The following CUL1 variants were observed in gnomAD, a reference collection of about 807,000 sequenced individuals.
CUL1 encodes cullin 1.
In CUL1, 24 loss-of-function variants were observed where a neutral mutation model predicts 118.0. That is an observed-to-expected ratio of 0.20 (90% CI 0.15 to 0.29). The LOEUF is 0.29. Ranked by LOEUF, CUL1 falls within the 10% of genes least tolerant of loss-of-function variation. The pLI is 1.00. For synonymous variants in CUL1, 332 were observed against 340.4 expected (o/e 0.98, Z 0.27); for missense variants, 361 against 933.8 (o/e 0.39, Z 7.99).
intron 1 of CUL1, among the ~76,000 whole-genome samples, chr7:148,705,078 T>A (rs1160287254): frequency 3.9e-5 from 6 of 152,334 alleles, no homozygotes; most frequent in East Asian, 3.9e-4. Flanking sequence ...TGGACTAATC[T>A]TCTTCTCATT....
chr7:148,712,995 A>G (rs1333337090), intron 1 of CUL1, among the ~76,000 whole-genome samples: 1 of 152,220 alleles, frequency 6.6e-6, no homozygotes, highest in African/African-American at 2.4e-5. Context: ...ACCTTGTTAC[A>G]TTCTATGAGC....
chr7:148,774,462 G>A (rs1800330429), intron 9 of CUL1, among the ~76,000 whole-genome samples: 1 of 152,186 alleles, frequency 6.6e-6, no homozygotes, highest in Non-Finnish European at 1.5e-5. Context: ...GTCAAATAAT[G>A]CAGACTTGTA....
At chr7:148,754,259 A>G (rs1272745456) in intron 3 of CUL1, 109 bp downstream of exon 3, 5 of 709,014 alleles carry the variant, frequency 7.1e-6, no homozygotes, top group Middle Eastern at 8.0e-4. Context: ...TGTTTTAGAC[A>G]CTAACGTAGG....
At chr7:148,790,577 G>A (rs936949724) in intron 16 of CUL1, 136 bp downstream of exon 16, 15 of 740,372 alleles carry the variant, frequency 2.0e-5, no homozygotes, top group Middle Eastern at 3.4e-4. Flanking sequence ...TTTAAAGCAT[G>A]GAGTTGTAAG....
chr7:148,745,179 C>T (rs1056230108), intron 2 of CUL1, among the ~76,000 whole-genome samples: 18 of 152,180 alleles, frequency 1.2e-4, no homozygotes, highest in African/African-American at 4.3e-4. Context: ...CCTGGTATTT[C>T]AGTTCTAGAA....
At chr7:148,703,293 A>G (rs567133538) in intron 1 of CUL1, among the ~76,000 whole-genome samples, 4 of 152,222 alleles carry the variant, frequency 2.6e-5, no homozygotes, top group African/African-American at 4.8e-5. Context: ...TTGGGCACTG[A>G]TAGCATAGAC....
intron 17 of CUL1, among the ~76,000 whole-genome samples, chr7:148,797,580 A>AT (rs1239680533): frequency 6.6e-6 from 1 of 152,058 alleles, no homozygotes; most frequent in Non-Finnish European, 1.5e-5. Context: ...TTATTGTGTG[A>AT]TCAAGGCCAG....
At chr7:148,799,004 CT>C (rs531729599) in intron 20 of CUL1, among the ~76,000 whole-genome samples, 1 of 151,664 alleles carries the variant, frequency 6.6e-6, no homozygotes, top group Non-Finnish European at 1.5e-5. Context: ...ATTTTGTCTC[CT>C]TTTTTTTAAT....
chr7:148,792,855 C>A, intron 17 of CUL1, 37 bp downstream of exon 17: 1 of 1,471,578 alleles, frequency 6.8e-7, no homozygotes, highest in African/African-American at 1.4e-5. Flanking sequence ...TATCAGCTTG[C>A]CGTTTCCTTG....
At chr7:148,751,313 C>T (rs185063961) in intron 2 of CUL1, among the ~76,000 whole-genome samples, 10 of 152,048 alleles carry the variant, frequency 6.6e-5, no homozygotes, top group Admixed American at 5.9e-4. Flanking sequence ...TTTGGGAGGT[C>T]GAGGCAGGTG....
In CUL1 at chr7:148,787,647, A is replaced by G. The variant is rs975597553; in HGVS notation, c.1479+527A>G. On this transcript the variant is annotated intron_variant, in intron 13 of 21. Coordinates refer to ENST00000325222, the MANE Select transcript of CUL1 (RefSeq NM_003592.3). The surrounding 1 kb of genome is among the most constrained non-coding windows in gnomAD (Gnocchi z 5.5). ...CACCCCACTGTGGGGCTTCCATCCT[A>G]CCCAGGCCTGGCTGGGCTCAGCTCA... Among the ~76,000 whole-genome samples the G allele has an allele frequency of 6.6e-6, 1 of 151,074 alleles. No homozygotes were observed. Among genetic ancestry groups the G allele is most frequent in the Admixed American group, 6.6e-5 (1 of 15,192 alleles).
intron 2 of CUL1, among the ~76,000 whole-genome samples, chr7:148,747,158 A>G (rs887751242): frequency 3.9e-5 from 6 of 152,230 alleles, no homozygotes; most frequent in African/African-American, 1.4e-4. Context: ...ACTCTTAAGC[A>G]TATGGAAGCT....
At chr7:148,766,496 T>G (rs1054317412) in intron 7 of CUL1, 65 bp from the exon 8 acceptor site, 4 of 1,319,146 alleles carry the variant, frequency 3.0e-6, no homozygotes, top group Non-Finnish European at 4.1e-6. Flanking sequence ...AATTTACATA[T>G]TAAAGAATTG....
chr7:148,782,734 CAAGT>C (rs1168095782), intron 9 of CUL1, among the ~76,000 whole-genome samples: 3 of 152,140 alleles, frequency 2.0e-5, no homozygotes, highest in African/African-American at 7.2e-5. Context: ...TATTTAAAAA[CAAGT>C]AAATCAAATG....
At chr7:148,738,683 A>G (rs73467444) in intron 2 of CUL1, among the ~76,000 whole-genome samples, 1,616 of 152,118 alleles carry the variant, frequency 0.011, 25 homozygotes, top group African/African-American at 0.037. Context: ...TACCTAATCT[A>G]TTGTCTGCTG....
chr7:148,709,657 G>A (rs953558373), intron 1 of CUL1, among the ~76,000 whole-genome samples: 8 of 152,166 alleles, frequency 5.3e-5, no homozygotes, highest in African/African-American at 1.2e-4. Context: ...AATATGGACC[G>A]ACTATTGTTG....
chr7:148,760,286 A>C (rs1799791206), intron 6 of CUL1, 47 bp from the exon 7 acceptor site: 1 of 1,524,082 alleles, frequency 6.6e-7, no homozygotes, highest in Non-Finnish European at 8.8e-7. Flanking sequence ...TGTGAAATAT[A>C]ACCAAAAAAA....
chr7:148,766,820 C>A, intron 8 of CUL1, 97 bp downstream of exon 8: 2 of 1,036,566 alleles, frequency 1.9e-6, no homozygotes, highest in South Asian at 1.7e-5. Context: ...GCATTACTTG[C>A]CCATGTCAGT....
chr7:148,708,299 T>TC (rs1204957829), intron 1 of CUL1, among the ~76,000 whole-genome samples: 3 of 152,182 alleles, frequency 2.0e-5, no homozygotes, highest in Admixed American at 1.3e-4. Context: ...TCTTTTTTGC[T>TC]CCCTAGACCA....
Sources: allele counts gnomAD v4.1 joint callset (sites outside exome capture counted in the v4.1 genomes callset), GRCh38; gene constraint gnomAD v4.1.1; non-coding constraint Gnocchi (gnomAD v3.1); transcripts MANE v1.5; gene names NCBI Gene and HGNC (gene_info 2026-07-23, HGNC 2026-07-21).